The following GLUL variants were observed in gnomAD, a reference collection of about 807,000 sequenced individuals.
The protein encoded by GLUL is glutamate-ammonia ligase.
GLUL carries 8 observed loss-of-function variants against 36.9 expected under a neutral mutation model. The observed-to-expected ratio is 0.22, with a 90% CI of 0.13 to 0.39. The LOEUF is 0.39. Among genes scored for constraint, GLUL ranks in the 10% least tolerant of loss-of-function variants. The probability of loss-of-function intolerance (pLI) is 1.00; values close to 1 mark genes in which losing one functional copy is unlikely to be tolerated. For synonymous variants in GLUL, 182 were observed against 172.8 expected, an observed-to-expected ratio of 1.05 and a Z score of -0.42; for missense variants, 315 against 501.8, an observed-to-expected ratio of 0.63 and a Z score of 3.56.
chr1:182,383,253 G>A lies in GLUL; in HGVS notation c.*1152C>T, dbSNP rs763220897. 1 of 152,130 alleles carries A rather than the reference G, an allele frequency of 6.6e-6. No homozygotes were observed. Among genetic ancestry groups the A allele is most frequent in the Non-Finnish European group, 1.5e-5 (1 of 68,024 alleles). The allele number at this position is 152,130 out of a possible 1,614,324, so 9.4% of individuals were successfully genotyped here. On this transcript the variant is annotated 3_prime_UTR_variant, in exon 7 of 7. Transcript: ENST00000331872. Reference sequence around the variant, plus strand: ...CAAGCAATTCTGTAAAAATTACCTAGAAACCCTACAAATTTGATTAAAATC... The same window carrying A: ...CAAGCAATTCTGTAAAAATTACCTAAAAACCCTACAAATTTGATTAAAATC...
In GLUL at chr1:182,379,106, C is replaced by T. The variant is rs182025505; in HGVS notation, c.*5299G>A. Among the ~76,000 whole-genome samples the T allele has an allele frequency of 7.9e-5, 12 of 151,902 alleles. No homozygotes were observed. The highest frequency in any genetic ancestry group is 6.2e-4 in the South Asian group (3 of 4,802). On this transcript the variant is annotated 3_prime_UTR_variant, in exon 7 of 7. Transcript: ENST00000331872. ...CTGAAGTAGAATTTTTTTAAATGAA[C>T]GGTCGGAGATCGAGCTAAAGGCTAT...
In GLUL at chr1:182,387,132, T is replaced by TG. The variant is rs1650217108; in HGVS notation, c.326dup (p.Glu110ArgfsTer9). ...ATCCATAGCTGTGCTATAACACACCTGCAGGCCTTCGATTGTACTTGAAAA... is the reference window on the plus strand; with the variant it reads ...ATCCATAGCTGTGCTATAACACACCTGGCAGGCCTTCGATTGTACTTGAAAA... On this transcript the variant is annotated frameshift_variant and splice_region_variant, in exon 3 of 7. Transcript: ENST00000331872. LOFTEE classifies it high-confidence loss of function. 6.2e-7 allele frequency: 1 copy of TG among 1,612,240 alleles called. No homozygotes were observed.
rs1026756261 is a variant in GLUL at position 182,384,089 on chromosome 1, C to T, written c.*316G>A. 13 of 383,584 alleles carry T rather than the reference C, an allele frequency of 3.4e-5. No individual in the cohort carries two copies. The highest frequency in any genetic ancestry group is 2.1e-4 in the African/African-American group (10 of 48,060). 23.8% of individuals were successfully genotyped at this position (383,584 alleles called of 1,614,324 possible). On this transcript the variant is annotated 3_prime_UTR_variant, in exon 7 of 7. Coordinates refer to ENST00000331872, the MANE Select transcript of GLUL (RefSeq NM_001033044.4). Reference sequence around the variant, plus strand: ...CCCCCTTCTGCAAACGTGCTCTGTCCGGATAGCTACGCCTATTGGACAGGT... The same window carrying T: ...CCCCCTTCTGCAAACGTGCTCTGTCTGGATAGCTACGCCTATTGGACAGGT...
chr1:182,382,249 C>T lies in GLUL; in HGVS notation c.*2156G>A, dbSNP rs1244853167. 6.6e-6 allele frequency: 1 copy of T among 152,202 alleles called. No individual in the cohort carries two copies. The highest frequency in any genetic ancestry group is 1.5e-5 in the Non-Finnish European group (1 of 68,068). 9.4% of individuals were successfully genotyped at this position (152,202 alleles called of 1,614,324 possible). On this transcript the variant is annotated 3_prime_UTR_variant, in exon 7 of 7. Transcript: ENST00000331872. ...ATGGGAGCCGGAGGGAGCTTTTACC[C>T]AACCTCATGAGGAATGAACGAAGGT...
chr1:182,385,037 G>A lies in GLUL; in HGVS notation c.804-314C>T, dbSNP rs577528515. 269 of 297,086 alleles carry A rather than the reference G, an allele frequency of 9.1e-4. 2 individuals carry two copies. The African/African-American group carries it at 9.9e-3, about 11-fold the overall frequency. The allele number at this position is 297,086 out of a possible 1,614,324, so 18.4% of individuals were successfully genotyped here. A position where few individuals can be genotyped will look rare whatever the true frequency, so the allele number is the denominator to read the frequency against. On this transcript the variant is annotated intron_variant, in intron 6 of 6. Coordinates refer to ENST00000331872, the MANE Select transcript of GLUL (RefSeq NM_001033044.4). ...TTTGTCAACTTTTCCCTGTCACCATGACATATGTCACAAATATATATATCG... is the reference window on the plus strand; with the variant it reads ...TTTGTCAACTTTTCCCTGTCACCATAACATATGTCACAAATATATATATCG...
At chr1:182,391,441 A>T (rs750578161) in intron 1 of GLUL, 17 of 383,724 alleles carry the variant, frequency 4.4e-5, no homozygotes, top group Non-Finnish European at 6.4e-5. Flanking sequence ...CGCCCTTCCC[A>T]GAGCCTGGCC....
chr1:182,387,536 C>A (rs1650236188), intron 2 of GLUL, among the ~76,000 whole-genome samples: 1 of 152,180 alleles, frequency 6.6e-6, no homozygotes, highest in Non-Finnish European at 1.5e-5. Flanking sequence ...ATCAGATACT[C>A]CCTTCCCAAA....
Position 182,390,829 on chromosome 1 carries a change from C to T in GLUL, c.-14+850G>A, listed in dbSNP as rs964929669. 5.0e-6 allele frequency: 2 copies of T among 399,086 alleles called. No homozygotes were observed. Among genetic ancestry groups the T allele is most frequent in the Non-Finnish European group, 8.8e-6 (2 of 226,210 alleles). The allele number at this position is 399,086 out of a possible 1,614,324, so 24.7% of individuals were successfully genotyped here. A position where few individuals can be genotyped will look rare whatever the true frequency, so the allele number is the denominator to read the frequency against. On this transcript the variant is annotated intron_variant, in intron 1 of 6. Coordinates refer to ENST00000331872, the MANE Select transcript of GLUL (RefSeq NM_001033044.4). Reference sequence around the variant, plus strand: ...TTTCATTCGTTGCTTTCTTCGTGGACTTGCGGCTGGGGGAGGATCCCCGCT... The same window carrying T: ...TTTCATTCGTTGCTTTCTTCGTGGATTTGCGGCTGGGGGAGGATCCCCGCT...
chr1:182,379,810 A>G lies in GLUL; in HGVS notation c.*4595T>C, dbSNP rs1004167631. ...CTCGGCTTTTCAAAGTGCTGGGATT[A>G]CAGGTATGAGCCACCATGCCCAGCC... On this transcript the variant is annotated 3_prime_UTR_variant, in exon 7 of 7. Coordinates refer to ENST00000331872, the MANE Select transcript of GLUL (RefSeq NM_001033044.4). 2.7e-5 allele frequency among the ~76,000 whole-genome samples: 4 copies of G among 150,438 alleles called. No individual in the cohort carries two copies. Among genetic ancestry groups the G allele is most frequent in the African/African-American group, 9.8e-5 (4 of 40,668 alleles).
At chr1:182,386,963 T>G in intron 3 of GLUL, 168 bp downstream of exon 3, 2 of 688,772 alleles carry the variant, frequency 2.9e-6, no homozygotes, top group Non-Finnish European at 5.4e-6. Flanking sequence ...AGATGGGCCA[T>G]ATTATCTCTT....
At chr1:182,385,940 A>T in intron 4 of GLUL, 53 bp from the exon 5 acceptor site, 1 of 1,575,800 alleles carries the variant, frequency 6.3e-7, no homozygotes, top group Non-Finnish European at 8.7e-7. Flanking sequence ...AGAGAATCCC[A>T]AAGTCAGAGA....
rs145237977 is a variant in GLUL at position 182,379,214 on chromosome 1, CTTATTTAT to C, written c.*5183_*5190del. Among the ~76,000 whole-genome samples the C allele has an allele frequency of 1.3e-5, 2 of 151,882 alleles. No individual in the cohort carries two copies. Among genetic ancestry groups the C allele is most frequent in the Non-Finnish European group, 2.9e-5 (2 of 67,950 alleles). On this transcript the variant is annotated 3_prime_UTR_variant, in exon 7 of 7. Coordinates refer to ENST00000331872, the MANE Select transcript of GLUL (RefSeq NM_001033044.4). ...TTTGGAGTTAAATGATGAACTGCCA[CTTATTTAT>C]TTATTTATTTGTTTATTTTTTGATA...
chr1:182,388,776 T>C (rs758273138), intron 1 of GLUL, 26 bp from the exon 2 acceptor site: 2 of 1,571,976 alleles, frequency 1.3e-6, no homozygotes, highest in Non-Finnish European at 8.8e-7. Context: ...AGAATAACAT[T>C]GTTAACGCCC....
Position 182,379,465 on chromosome 1 carries a change from C to T in GLUL, c.*4940G>A. 6.6e-6 allele frequency among the ~76,000 whole-genome samples: 1 copy of T among 151,792 alleles called. No individual in the cohort carries two copies. ...CTCGAACTCCTGAACTCAGGTGATC[C>T]ACCTGCCTTGGCCTCCCAAAGTGCT... On this transcript the variant is annotated 3_prime_UTR_variant, in exon 7 of 7. Transcript: ENST00000331872.
At position 182,383,372 on chromosome 1, in the gene GLUL, CCT is replaced by C. The variant is rs1200193105; in HGVS notation, c.*1031_*1032del. The C allele has an allele frequency of 3.9e-5, 6 of 152,186 alleles. No individual in the cohort carries two copies. The highest frequency in any genetic ancestry group is 2.1e-4 in the South Asian group (1 of 4,828). 9.4% of individuals were successfully genotyped at this position (152,186 alleles called of 1,614,324 possible). ...CTACCAGAAAATAACCCCAATACCC[CCT>C]CTGTCAGTAACATGCTCAAGTTGAC... On this transcript the variant is annotated 3_prime_UTR_variant, in exon 7 of 7. Transcript: ENST00000331872.
At position 182,385,740 on chromosome 1, in the gene GLUL, T is replaced by C. The variant is rs775733783; in HGVS notation, c.603+20A>G. On this transcript the variant is annotated intron_variant, in intron 5 of 6. Transcript: ENST00000331872. ...ACACCTACCTACCCTTCTTCATTGATGGATTGGAGCTATACTTACCTGGGC... is the reference window on the plus strand; with the variant it reads ...ACACCTACCTACCCTTCTTCATTGACGGATTGGAGCTATACTTACCTGGGC... The C allele has an allele frequency of 1.2e-6, 2 of 1,613,808 alleles. No individual in the cohort carries two copies. Among genetic ancestry groups the C allele is most frequent in the Non-Finnish European group, 8.5e-7 (1 of 1,179,848 alleles).
At chr1:182,391,400 G>A (rs1345337847) in intron 1 of GLUL, 12 of 395,804 alleles carry the variant, frequency 3.0e-5, no homozygotes, top group South Asian at 1.4e-4. Flanking sequence ...TCGGCCGCAA[G>A]TAGTGAAAAG....
Position 182,382,796 on chromosome 1 carries a change from CA to C in GLUL, c.*1608del. On this transcript the variant is annotated 3_prime_UTR_variant, in exon 7 of 7. Coordinates refer to ENST00000331872, the MANE Select transcript of GLUL (RefSeq NM_001033044.4). Reference sequence around the variant, plus strand: ...ACATCACTCCAGTGTTTTAAAAACTCAGAGTACATAAACTTGAGCTTATTTT... The same window carrying C: ...ACATCACTCCAGTGTTTTAAAAACTCGAGTACATAAACTTGAGCTTATTTT... 1 of 152,240 alleles carries C rather than the reference CA, an allele frequency of 6.6e-6. No homozygotes were observed. Among genetic ancestry groups the C allele is most frequent in the South Asian group, 2.1e-4 (1 of 4,820 alleles). The allele number at this position is 152,240 out of a possible 1,614,324, so 9.4% of individuals were successfully genotyped here. A position where few individuals can be genotyped will look rare whatever the true frequency, so the allele number is the denominator to read the frequency against.
chr1:182,384,533 C>G lies in GLUL; in HGVS notation c.994G>C (p.Glu332Gln). The change falls in exon 7 of 7, where the codon GAG becomes CAG. Residue 332 changes from glutamate (E) to glutamine (Q), a missense_variant. By Grantham distance (29) the Glu-to-Gln change is conservative. Transcript: ENST00000331872. ...SIRIPRTVGQ[E>Q]KKGYFEDRRP... ...CGATCTTCAAAGTAACCCTTCTTCT[C>G]CTGGCCAACAGTCCGGGGAATGCGT... is the stretch of plus-strand genomic sequence containing the variant. 6.2e-7 allele frequency: 1 copy of G among 1,614,202 alleles called. No individual in the cohort carries two copies. The highest frequency in any genetic ancestry group is 1.1e-5 in the South Asian group (1 of 91,082).
Sources: gnomAD v4.1 joint callset for allele counts (sites outside exome capture counted in the v4.1 genomes callset) on GRCh38, gnomAD v4.1.1 for gene constraint, MANE v1.5 for transcripts, NCBI Gene and HGNC (gene_info 2026-07-23, HGNC 2026-07-21) for gene names.